The following COBL variants were observed in gnomAD, a reference collection of about 807,000 sequenced individuals.
The protein encoded by COBL is cordon-bleu WH2 repeat protein.
COBL carries 51 observed loss-of-function variants against 98.8 expected under a neutral mutation model. That is an observed-to-expected ratio of 0.52 (90% CI 0.41 to 0.65). The LOEUF is 0.65. Ranked by LOEUF, COBL falls within the 30% of genes least tolerant of loss-of-function variation. COBL has a pLI of 0.00. For synonymous variants in COBL, 634 were observed against 651.7 expected (o/e 0.97, Z 0.41); for missense variants, 1,617 against 1,617.5 (o/e 1.00, Z 0.01).
At chr7:51,099,306 G>A (rs530773539) in intron 6 of COBL, among the ~76,000 whole-genome samples, 65 of 152,300 alleles carry the variant, frequency 4.3e-4, no homozygotes, top group African/African-American at 1.5e-3. Context: ...AAAGAGATGT[G>A]TTCTTGTTCA....
chr7:51,222,518 T>G (rs368335239), intron 1 of COBL, among the ~76,000 whole-genome samples: 1 of 152,140 alleles, frequency 6.6e-6, no homozygotes, highest in Non-Finnish European at 1.5e-5. Context: ...TGAAGACAAT[T>G]TGGTTTCAAA....
At chr7:51,312,245 C>T (rs1177981989) in intron 1 of COBL, among the ~76,000 whole-genome samples, 1 of 151,942 alleles carries the variant, frequency 6.6e-6, no homozygotes, top group Non-Finnish European at 1.5e-5. Flanking sequence ...GCAGGAGAAT[C>T]GCTTGAACCG....
intron 1 of COBL, among the ~76,000 whole-genome samples, chr7:51,239,714 G>A (rs1041962743): frequency 2.0e-5 from 3 of 152,066 alleles, no homozygotes; most frequent in African/African-American, 7.2e-5. Context: ...AATACTACTC[G>A]ATGGGAGTTG....
At chr7:51,223,746 A>G (rs1312666250) in intron 1 of COBL, among the ~76,000 whole-genome samples, 1 of 152,242 alleles carries the variant, frequency 6.6e-6, no homozygotes, top group Non-Finnish European at 1.5e-5. Context: ...AGCTGAGATC[A>G]GTGATATCTA....
intron 6 of COBL, among the ~76,000 whole-genome samples, chr7:51,122,277 C>T (rs933873612): frequency 2.0e-5 from 3 of 152,232 alleles, no homozygotes; most frequent in African/African-American, 7.2e-5. Flanking sequence ...GCGTTAGCTG[C>T]CCGGCTATTT....
chr7:51,043,811 G>T, intron 7 of COBL, 119 bp from the exon 8 acceptor site: 1 of 759,466 alleles, frequency 1.3e-6, no homozygotes, highest in Non-Finnish European at 2.1e-6. Flanking sequence ...GGTGCTCAAA[G>T]TAAAGGAAGA....
intron 1 of COBL, among the ~76,000 whole-genome samples, chr7:51,227,821 A>C (rs914534489): frequency 2.2e-4 from 33 of 152,180 alleles, no homozygotes; most frequent in African/African-American, 7.7e-4. Flanking sequence ...GAGCTATCAG[A>C]GGAAAATCCC....
rs1016638849 is a variant in COBL at position 51,185,855 on chromosome 7, C to T, written c.686-1656G>A. The stretch of plus-strand genomic sequence containing the variant: ...ATAACACAGGCGTGAACACTGATAG[C>T]GTCCACACAGCAAAGCAAAAACCCA... On this transcript the variant is annotated intron_variant, in intron 4 of 12. Transcript: ENST00000265136. Among the ~76,000 whole-genome samples, 4 of 152,336 alleles carry T rather than the reference C, an allele frequency of 2.6e-5. No homozygotes were observed. The East Asian group carries it at 5.8e-4, about 22-fold the overall frequency.
chr7:51,172,396 G>C, intron 5 of COBL: 2 of 1,094,296 alleles, frequency 1.8e-6, no homozygotes, highest in Non-Finnish European at 2.4e-6. Flanking sequence ...CTGGAAGGTC[G>C]CGCAAAGCAA....
At chr7:51,311,552 A>T (rs1803040340) in intron 1 of COBL, among the ~76,000 whole-genome samples, 1 of 152,244 alleles carries the variant, frequency 6.6e-6, no homozygotes, top group African/African-American at 2.4e-5. Context: ...AAAAGTTTTA[A>T]TTCTATTCCA....
chr7:51,292,290 C>T (rs774786828), intron 1 of COBL, among the ~76,000 whole-genome samples: 7 of 152,092 alleles, frequency 4.6e-5, no homozygotes, highest in Non-Finnish European at 7.3e-5. Flanking sequence ...TTTTAAGGTA[C>T]CCACTGAATG....
chr7:51,172,686 G>C (rs941088449), intron 5 of COBL, among the ~76,000 whole-genome samples: 10 of 152,232 alleles, frequency 6.6e-5, no homozygotes, highest in African/African-American at 2.4e-4. Flanking sequence ...GCCAGTTTAT[G>C]AACAGACCTG....
chr7:51,283,794 G>A (rs2129179249), intron 1 of COBL, among the ~76,000 whole-genome samples: 1 of 152,078 alleles, frequency 6.6e-6, no homozygotes, highest in South Asian at 2.1e-4. Flanking sequence ...CAAATCTGTA[G>A]CTTAAGAACA....
At chr7:51,291,848 C>T (rs528965286) in intron 1 of COBL, among the ~76,000 whole-genome samples, 21 of 152,082 alleles carry the variant, frequency 1.4e-4, no homozygotes, top group Non-Finnish European at 2.5e-4. Context: ...TGCCTTAAAA[C>T]GTTCAAGCCA....
chr7:51,177,775 AAAATAAAT>A (rs147309503), intron 5 of COBL, among the ~76,000 whole-genome samples: 79,367 of 142,610 alleles, frequency 0.56, 23,077 homozygotes, highest in East Asian at 0.67. Context: ...CTGTCTCAAA[AAAATAAAT>A]AAATAAATAA....
intron 6 of COBL, among the ~76,000 whole-genome samples, chr7:51,087,658 G>A (rs1794408575): frequency 6.6e-6 from 1 of 152,022 alleles, no homozygotes; most frequent in Middle Eastern, 3.4e-3. Flanking sequence ...ATTTTCAGTG[G>A]AGATGGGGTT....
chr7:51,128,339 C>G (rs73697807), intron 6 of COBL, among the ~76,000 whole-genome samples: 5,798 of 152,146 alleles, frequency 0.038, 372 homozygotes, highest in African/African-American at 0.13. Context: ...ACATTTTATG[C>G]ACAGCAAAGT....
intron 1 of COBL, among the ~76,000 whole-genome samples, chr7:51,226,481 T>C (rs1794191980): frequency 6.6e-6 from 1 of 151,646 alleles, no homozygotes; most frequent in African/African-American, 2.4e-5. Flanking sequence ...CACTGGTAAG[T>C]GAAGTGCTGG....
Position 51,200,197 on chromosome 7 carries a change from A to G in COBL, c.246-6608T>C, listed in dbSNP as rs550284982. Among the ~76,000 whole-genome samples, 289 of 152,320 alleles carry G rather than the reference A, an allele frequency of 1.9e-3. 1 individual carries two copies. Among genetic ancestry groups the G allele is most frequent in the African/African-American group, 6.5e-3 (269 of 41,572 alleles). On this transcript the variant is annotated intron_variant, in intron 2 of 12. Coordinates refer to ENST00000265136, the MANE Select transcript of COBL (RefSeq NM_015198.5). ...TGTAGTTTAAGGATGAAGGAGAGATAAGTCTTCCCCTGTCAAAACTAGGAA... is the reference window on the plus strand; with the variant it reads ...TGTAGTTTAAGGATGAAGGAGAGATGAGTCTTCCCCTGTCAAAACTAGGAA...
Sources: gnomAD v4.1 joint callset for allele counts (sites outside exome capture counted in the v4.1 genomes callset) on GRCh38, gnomAD v4.1.1 for gene constraint, MANE v1.5 for transcripts, NCBI Gene and HGNC (gene_info 2026-07-23, HGNC 2026-07-21) for gene names.